MAP3K7CL: variants seen among roughly 807,000 people sequenced by gnomAD.
MAP3K7CL encodes MAP3K7 C-terminal like, also known as MAP3K7 C-terminal-like protein.
A neutral mutation model predicts 18.6 loss-of-function variants in MAP3K7CL; 16 were observed. The observed-to-expected ratio is 0.86, with a 90% CI of 0.58 to 1.31. The LOEUF (loss-of-function observed/expected upper bound fraction) is 1.31. MAP3K7CL is among the 50% of genes most tolerant of loss of function. MAP3K7CL has a pLI of 0.00. For synonymous variants in MAP3K7CL, 65 were observed against 66.8 expected, an observed-to-expected ratio of 0.97 and a Z score of 0.13; for missense variants, 163 against 174.4, an observed-to-expected ratio of 0.93 and a Z score of 0.37.
In MAP3K7CL at chr21:29,112,831, CT is replaced by C. The variant is rs918701957; in HGVS notation, c.370+20259del. Among the ~76,000 whole-genome samples the C allele has an allele frequency of 5.3e-4, 77 of 144,496 alleles. 2 individuals are homozygous for C. The South Asian group carries it at 0.015, about 29-fold the overall frequency. The allele number at this position is 144,496 out of a possible 152,430, so 94.8% of individuals were successfully genotyped here. A position where few individuals can be genotyped will look rare whatever the true frequency, so the allele number is the denominator to read the frequency against. ...AGACCTTTGGAAATTTTTTTTTTTT[CT>C]TTTTTTTTGAGATGGAGTCTCACTC... is the stretch of plus-strand genomic sequence containing the variant. On this transcript the variant is annotated intron_variant, in intron 4 of 6. Coordinates refer to the MAP3K7CL transcript ENST00000286791.
At chr21:29,161,009 AT>A (rs1316298391) in intron 4 of MAP3K7CL, among the ~76,000 whole-genome samples, 3 of 152,242 alleles carry the variant, frequency 2.0e-5, no homozygotes, top group African/African-American at 7.2e-5. Flanking sequence ...TGCTCAGCTA[AT>A]TAAAAAATAT....
Position 29,141,326 on chromosome 21 carries a change from A to G in MAP3K7CL, c.71-7863A>G, listed in dbSNP as rs570124757. Among the ~76,000 whole-genome samples the G allele has an allele frequency of 2.0e-5, 3 of 151,634 alleles. No individual in the cohort carries two copies. In the East Asian group the frequency reaches 5.8e-4, roughly 29 times the overall value. On this transcript the variant is annotated intron_variant, in intron 2 of 4. Coordinates refer to ENST00000399928, the MANE Select transcript of MAP3K7CL (RefSeq NM_001286620.2). ...TCAGGAGATGGAGACTATCCTGGCT[A>G]ACGTGGTGAAACCTGTCTCTACTAA... is the stretch of plus-strand genomic sequence containing the variant.
chr21:29,166,372 T>C (rs2087688750), intron 4 of MAP3K7CL, among the ~76,000 whole-genome samples: 3 of 152,258 alleles, frequency 2.0e-5, no homozygotes, highest in Admixed American at 2.0e-4. Flanking sequence ...TATTCCATTG[T>C]ATAGATATAT....
chr21:29,166,154 C>G (rs993392263), intron 4 of MAP3K7CL, among the ~76,000 whole-genome samples: 1 of 152,130 alleles, frequency 6.6e-6, no homozygotes, highest in African/African-American at 2.4e-5. Context: ...CTCCCCATAC[C>G]CCTCTTCCTA....
intron 4 of MAP3K7CL, among the ~76,000 whole-genome samples, chr21:29,113,880 T>C (rs2086461606): frequency 6.6e-6 from 1 of 152,054 alleles, no homozygotes; most frequent in Admixed American, 6.5e-5. Flanking sequence ...GTGTTGCTCA[T>C]ATGGTTCTGG....
chr21:29,160,533 A>C (rs2087520923), intron 4 of MAP3K7CL, among the ~76,000 whole-genome samples: 1 of 152,222 alleles, frequency 6.6e-6, no homozygotes, highest in African/African-American at 2.4e-5. Flanking sequence ...CAGTTCTGCT[A>C]TAGGGAATTA....
chr21:29,097,615 A>G (rs2086146237), intron 4 of MAP3K7CL, among the ~76,000 whole-genome samples: 1 of 151,848 alleles, frequency 6.6e-6, no homozygotes, highest in Non-Finnish European at 1.5e-5. Flanking sequence ...TTTATTAGTC[A>G]TTTCTTCTGT....
At chr21:29,089,043 G>T (rs968563533) in intron 1 of MAP3K7CL, among the ~76,000 whole-genome samples, 2 of 152,012 alleles carry the variant, frequency 1.3e-5, no homozygotes, top group Admixed American at 6.6e-5. Flanking sequence ...GGTGGTGCAT[G>T]CCTGTAGTCC....
chr21:29,087,600 T>C (rs1316640337), intron 1 of MAP3K7CL, among the ~76,000 whole-genome samples: 2 of 146,520 alleles, frequency 1.4e-5, no homozygotes, highest in Non-Finnish European at 3.0e-5. Flanking sequence ...TTTTTTTTTT[T>C]TTTTTTTTTT....
At chr21:29,091,670 A>G in exon 3 of MAP3K7CL, 1 of 701,862 alleles carries the variant, frequency 1.4e-6, no homozygotes, top group Non-Finnish European at 2.6e-6. Flanking sequence ...TTTCATAGAG[A>G]TGGAGTCTCG....
chr21:29,158,640 C>A (rs937632286), intron 3 of MAP3K7CL, among the ~76,000 whole-genome samples: 1 of 152,094 alleles, frequency 6.6e-6, no homozygotes, highest in African/African-American at 2.4e-5. Flanking sequence ...ATAAATATGA[C>A]ACCCACAGAA....
At chr21:29,122,696 G>A (rs1036358915) in intron 4 of MAP3K7CL, among the ~76,000 whole-genome samples, 5 of 152,138 alleles carry the variant, frequency 3.3e-5, no homozygotes, top group Admixed American at 6.6e-5. Context: ...TGCCAGTGGC[G>A]GCTGGGGTTT....
At chr21:29,106,633 G>A (rs2086327840) in intron 4 of MAP3K7CL, among the ~76,000 whole-genome samples, 1 of 152,170 alleles carries the variant, frequency 6.6e-6, no homozygotes. Context: ...AAGTTTTAAG[G>A]ATCAGACATG....
intron 3 of MAP3K7CL, among the ~76,000 whole-genome samples, chr21:29,157,357 A>G (rs367773602): frequency 3.3e-5 from 5 of 152,298 alleles, no homozygotes; most frequent in African/African-American, 1.2e-4. Context: ...CTTCCTCTTT[A>G]CTTAAAAAAT....
chr21:29,104,191 G>A (rs1050218827), intron 4 of MAP3K7CL, among the ~76,000 whole-genome samples: 3 of 152,056 alleles, frequency 2.0e-5, no homozygotes, highest in Admixed American at 2.0e-4. Context: ...TGCTCAAAGG[G>A]TGGTCCTTGG....
chr21:29,124,247 A>C (rs1373276590), intron 4 of MAP3K7CL, among the ~76,000 whole-genome samples: 1 of 150,334 alleles, frequency 6.7e-6, no homozygotes, highest in Non-Finnish European at 1.5e-5. Flanking sequence ...CCAGCTACTC[A>C]GGAGGCTGAG....
At chr21:29,104,486 C>G (rs1008869121) in intron 4 of MAP3K7CL, among the ~76,000 whole-genome samples, 4 of 152,150 alleles carry the variant, frequency 2.6e-5, no homozygotes, top group African/African-American at 7.2e-5. Context: ...AGCAAATCCC[C>G]CACGTGGAGG....
chr21:29,147,527 CTA>C (rs1192197201), intron 2 of MAP3K7CL, among the ~76,000 whole-genome samples: 5 of 151,400 alleles, frequency 3.3e-5, no homozygotes, highest in South Asian at 2.1e-4. Flanking sequence ...TACTGTATCT[CTA>C]TTATATATGT....
chr21:29,134,596 C>A (rs1010942224), intron 2 of MAP3K7CL, among the ~76,000 whole-genome samples: 3 of 152,148 alleles, frequency 2.0e-5, no homozygotes, highest in Non-Finnish European at 4.4e-5. Context: ...CATGATCTGC[C>A]GTTGTACTGT....
Sources: allele counts gnomAD v4.1 joint callset (sites outside exome capture counted in the v4.1 genomes callset), GRCh38; gene constraint gnomAD v4.1.1; transcripts MANE v1.5; gene names NCBI Gene and HGNC (gene_info 2026-07-23, HGNC 2026-07-21).